The following MSI2 variants were observed in gnomAD, a reference collection of about 807,000 sequenced individuals.
The protein encoded by MSI2 is musashi RNA binding protein 2, also known as RNA-binding protein Musashi homolog 2.
MSI2 carries 17 observed loss-of-function variants against 45.6 expected under a neutral mutation model. The ratio of observed to expected loss-of-function variants is 0.37; its 90% CI spans 0.26 to 0.56. The LOEUF (loss-of-function observed/expected upper bound fraction) is 0.56. MSI2 is among the 20% of genes least tolerant of loss of function. The pLI is 0.77. For missense variants in MSI2, 293 were observed against 444.2 expected (o/e 0.66, Z 3.06); for synonymous variants, 156 against 158.2 (o/e 0.99, Z 0.11).
intron 6 of MSI2, among the ~76,000 whole-genome samples, chr17:57,463,047 G>A (rs752352771): frequency 4.6e-5 from 7 of 152,200 alleles, no homozygotes; most frequent in African/African-American, 1.4e-4. Context: ...AGTTTTCATC[G>A]CAACGAGTGC....
intron 6 of MSI2, among the ~76,000 whole-genome samples, chr17:57,473,379 T>A (rs1221728684): frequency 6.6e-6 from 1 of 152,184 alleles, no homozygotes; most frequent in Non-Finnish European, 1.5e-5. Context: ...CAAAGAGAGA[T>A]TTATTTCAAG....
intron 5 of MSI2, among the ~76,000 whole-genome samples, chr17:57,277,221 A>G (rs1177770799): frequency 6.6e-6 from 1 of 151,754 alleles, no homozygotes; most frequent in Non-Finnish European, 1.5e-5. Flanking sequence ...ACACCCAGCT[A>G]ATTTTTTTGT....
At chr17:57,657,288 G>A (rs930950624) in intron 11 of MSI2, among the ~76,000 whole-genome samples, 1 of 152,232 alleles carries the variant, frequency 6.6e-6, no homozygotes, top group African/African-American at 2.4e-5. Context: ...GATAAATCTG[G>A]AAGGAGCTGT....
chr17:57,353,878 A>G (rs1916223315), intron 5 of MSI2, among the ~76,000 whole-genome samples: 1 of 151,760 alleles, frequency 6.6e-6, no homozygotes, highest in Non-Finnish European at 1.5e-5. Context: ...CTTTTTTTTT[A>G]TGTGTGTAAA....
chr17:57,573,869 A>G (rs2087944071), intron 7 of MSI2, among the ~76,000 whole-genome samples: 1 of 152,168 alleles, frequency 6.6e-6, no homozygotes, highest in Non-Finnish European at 1.5e-5. Context: ...CTGGGATAAC[A>G]TTACTTGCCT....
rs144835370 is a variant in MSI2, at chr17:57,280,560, C to T, written c.312+18368C>T. Among the ~76,000 whole-genome samples the T allele has an allele frequency of 9.9e-3, 1,506 of 152,042 alleles. 31 individuals are homozygous for T. The highest frequency in any genetic ancestry group is 0.085 in the South Asian group (410 of 4,806). ...ACTTCTCATTGATGTGAGCAGAGCC[C>T]CCAACCCCCACCTCCGTGAGATTGA... On this transcript the variant is annotated intron_variant, in intron 5 of 13. Transcript: ENST00000284073. The surrounding 1 kb of genome is among the most constrained non-coding windows in gnomAD (Gnocchi z 4.2).
intron 7 of MSI2, among the ~76,000 whole-genome samples, chr17:57,589,131 C>T (rs998097571): frequency 3.3e-5 from 5 of 152,152 alleles, no homozygotes; most frequent in Admixed American, 2.0e-4. Context: ...CATTGGCACC[C>T]GGATGTAAAA....
Position 57,549,259 on chromosome 17 carries a change from C to T in MSI2, c.454+19535C>T, listed in dbSNP as rs534516604. On this transcript the variant is annotated intron_variant, in intron 7 of 13. Transcript: ENST00000284073. ...CTTGGCCAGTTATGTGGGCTTGGTG[C>T]CTAGCCTGCAGGGGTTTATGCTTTG... Among the ~76,000 whole-genome samples the T allele has an allele frequency of 2.6e-5, 4 of 151,394 alleles. No homozygotes were observed. In the East Asian group the frequency reaches 7.8e-4, roughly 29 times the overall value.
At chr17:57,537,367 G>C (rs146415500) in intron 7 of MSI2, among the ~76,000 whole-genome samples, 73 of 152,328 alleles carry the variant, frequency 4.8e-4, no homozygotes, top group African/African-American at 1.7e-3. Flanking sequence ...GCAAAGGAGG[G>C]GGTGGGATAA....
At chr17:57,538,071 G>T (rs1206699057) in intron 7 of MSI2, among the ~76,000 whole-genome samples, 2 of 151,950 alleles carry the variant, frequency 1.3e-5, no homozygotes, top group Non-Finnish European at 2.9e-5. Flanking sequence ...TCTTTTGTTT[G>T]GTCCTGTTCC....
At position 57,436,638 on chromosome 17, in the gene MSI2, C is replaced by T. The variant is rs114742912; in HGVS notation, c.405+35167C>T. On this transcript the variant is annotated intron_variant, in intron 6 of 13. Coordinates refer to ENST00000284073, the MANE Select transcript of MSI2 (RefSeq NM_138962.4). ...CTGGGTCTGGGCAGCCCATGCTCGC[C>T]GAGGAGGCAGGGGGGTGAGAGCAGG... 6.8e-3 allele frequency among the ~76,000 whole-genome samples: 1,033 copies of T among 152,244 alleles called. 10 individuals carry two copies. Among genetic ancestry groups the T allele is most frequent in the African/African-American group, 0.024 (983 of 41,544 alleles).
At chr17:57,424,323 C>G (rs12949121) in intron 6 of MSI2, among the ~76,000 whole-genome samples, 30,374 of 152,178 alleles carry the variant, frequency 0.2, 3,197 homozygotes, top group African/African-American at 0.27. Context: ...GATCTTCTAC[C>G]TAGTAGCTCT....
intron 6 of MSI2, among the ~76,000 whole-genome samples, chr17:57,424,081 C>G (rs988363032): frequency 6.6e-6 from 1 of 152,206 alleles, no homozygotes; most frequent in Non-Finnish European, 1.5e-5. Flanking sequence ...GTGTGGAGGG[C>G]TGGTTCTTCT....
chr17:57,693,801 A>C, the MSI2 span, among the ~76,000 whole-genome samples: 1 of 152,220 alleles, frequency 6.6e-6, no homozygotes, highest in South Asian at 2.1e-4. Context: ...CATCTTTAGA[A>C]CAGTAAAGGC....
intron 10 of MSI2, among the ~76,000 whole-genome samples, chr17:57,647,050 T>C (rs1368878682): frequency 6.6e-6 from 1 of 152,136 alleles, no homozygotes; most frequent in Non-Finnish European, 1.5e-5. Context: ...ACAGAATGTG[T>C]ATTCTAATTT....
intron 7 of MSI2, among the ~76,000 whole-genome samples, chr17:57,534,325 T>C (rs1209671785): frequency 2.6e-5 from 4 of 152,250 alleles, no homozygotes; most frequent in East Asian, 3.8e-4. Flanking sequence ...ATGACCGTGC[T>C]CCTCCATTTC....
At chr17:57,464,851 A>G (rs1032694631) in intron 6 of MSI2, among the ~76,000 whole-genome samples, 22 of 152,210 alleles carry the variant, frequency 1.4e-4, no homozygotes, top group Non-Finnish European at 2.8e-4. Flanking sequence ...TTCTGAGTTG[A>G]AAACGGTCCG....
intron 5 of MSI2, among the ~76,000 whole-genome samples, chr17:57,281,365 C>G (rs1053619968): frequency 4.6e-5 from 7 of 152,184 alleles, no homozygotes; most frequent in Non-Finnish European, 8.8e-5. Context: ...CCACTCTTCC[C>G]CGTCTCTCTG....
chr17:57,440,135 A>G (rs540669492), intron 6 of MSI2, among the ~76,000 whole-genome samples: 3 of 152,178 alleles, frequency 2.0e-5, no homozygotes, highest in African/African-American at 7.2e-5. Flanking sequence ...ACTGTGCTTG[A>G]AAGGGTGGGG....
Sources: gnomAD v4.1 joint callset for allele counts (sites outside exome capture counted in the v4.1 genomes callset) on GRCh38, gnomAD v4.1.1 for gene constraint, Gnocchi (gnomAD v3.1) non-coding constraint, MANE v1.5 for transcripts, NCBI Gene and HGNC (gene_info 2026-07-23, HGNC 2026-07-21) for gene names.